The following B3GALNT2 variants were observed in gnomAD, a reference collection of about 807,000 sequenced individuals.
B3GALNT2 encodes the protein UDP-GalNAc:beta-1,3-N-acetylgalactosaminyltransferase 2.
In B3GALNT2, 53 loss-of-function variants were observed where a neutral mutation model predicts 61.1. That is an observed-to-expected ratio of 0.87 (90% CI 0.70 to 1.09). The LOEUF (loss-of-function observed/expected upper bound fraction) is 1.09. B3GALNT2 is among the 50% of genes least tolerant of loss of function. The pLI is 0.00. For missense variants in B3GALNT2, 544 were observed against 623.0 expected (o/e 0.87, Z 1.35); for synonymous variants, 223 against 237.4 (o/e 0.94, Z 0.56).
rs57291873 is a variant in B3GALNT2, at chr1:235,498,843, C to CAAAAAAAAA, written c.113-4024_113-4016dup. On this transcript the variant is annotated intron_variant, in intron 1 of 11. Transcript: ENST00000366600. ...TGGGTGACAGAGCTAGACTCCTTCT[C>CAAAAAAAAA]AAAAAAAAAAAAAAAAAAAAAAAAA... 8.3e-3 allele frequency among the ~76,000 whole-genome samples: 529 copies of CAAAAAAAAA among 64,116 alleles called. 42 individuals carry two copies. In the East Asian group the frequency reaches 0.091, roughly 11 times the overall value. 42.1% of individuals were successfully genotyped at this position (64,116 alleles called of 152,430 possible).
At chr1:235,441,435 A>G in the B3GALNT2 span, 3 of 279,470 alleles carry the variant, frequency 1.1e-5, no homozygotes, top group African/African-American at 4.5e-5. Context: ...CAAAGGTGAC[A>G]CTCGGGGAAA....
At chr1:235,496,418 T>A (rs1162831283) in intron 1 of B3GALNT2, 4 of 671,860 alleles carry the variant, frequency 6.0e-6, no homozygotes, top group Non-Finnish European at 7.5e-6. Context: ...AATTTATTTT[T>A]AAATAAATTC....
chr1:235,475,436 G>A (rs1401969414), intron 5 of B3GALNT2, among the ~76,000 whole-genome samples: 1 of 151,982 alleles, frequency 6.6e-6, no homozygotes, highest in Non-Finnish European at 1.5e-5. Context: ...AAGCTATACT[G>A]GGGACATGTG....
At chr1:235,468,485 G>A (rs561783608) in intron 6 of B3GALNT2, among the ~76,000 whole-genome samples, 8 of 117,482 alleles carry the variant, frequency 6.8e-5, no homozygotes, top group Non-Finnish European at 1.3e-4. Context: ...ACGGAGTCTC[G>A]CACTGTAGCC....
In B3GALNT2 at chr1:235,450,110, C is replaced by T. The variant is rs1682800214; in HGVS notation, c.*96G>A. The T allele has an allele frequency of 4.1e-6, 6 of 1,448,086 alleles. No individual in the cohort carries two copies. The African/African-American group carries it at 7.0e-5, about 17-fold the overall frequency. The allele number at this position is 1,448,086 out of a possible 1,614,324, so 89.7% of individuals were successfully genotyped here. ...CCAGTCTGGAACTCTCTTGAAAGACCATACAGTCTACTGCTAAACCCTGGG... is the reference window on the plus strand; with the variant it reads ...CCAGTCTGGAACTCTCTTGAAAGACTATACAGTCTACTGCTAAACCCTGGG... On this transcript the variant is annotated 3_prime_UTR_variant, in exon 12 of 12. Coordinates refer to ENST00000366600, the MANE Select transcript of B3GALNT2 (RefSeq NM_152490.5).
intron 5 of B3GALNT2, among the ~76,000 whole-genome samples, chr1:235,475,547 T>C (rs1684237291): frequency 6.6e-6 from 1 of 152,152 alleles, no homozygotes; most frequent in South Asian, 2.1e-4. Flanking sequence ...TTGCTGATGA[T>C]ATGCCAGCAA....
At chr1:235,497,085 A>AT (rs770535684) in intron 1 of B3GALNT2, among the ~76,000 whole-genome samples, 65 of 152,176 alleles carry the variant, frequency 4.3e-4, no homozygotes, top group Middle Eastern at 3.4e-3. Context: ...TAACACATCA[A>AT]TTTTTTTTAA....
chr1:235,444,177 A>T (rs1682088043), downstream of B3GALNT2, among the ~76,000 whole-genome samples: 1 of 152,198 alleles, frequency 6.6e-6, no homozygotes, highest in Non-Finnish European at 1.5e-5. Flanking sequence ...GTGTTCAAAG[A>T]AGTACCTTTC....
At chr1:235,503,034 G>C (rs1558448889) in intron 1 of B3GALNT2, among the ~76,000 whole-genome samples, 1 of 152,186 alleles carries the variant, frequency 6.6e-6, no homozygotes, top group Non-Finnish European at 1.5e-5. Flanking sequence ...GATCTAATAG[G>C]AAAAGAGATT....
Position 235,504,443 on chromosome 1 carries a change from G to A in B3GALNT2, c.-191C>T, listed in dbSNP as rs1021056149. On this transcript the variant is annotated 5_prime_UTR_variant, in exon 1 of 12. Transcript: ENST00000366600. ...CCTCCGGTCCCTCAGACCGCGGGTGGCCGCGGCTTAGCCGGCCGAAGCCCC... is the reference window on the plus strand; with the variant it reads ...CCTCCGGTCCCTCAGACCGCGGGTGACCGCGGCTTAGCCGGCCGAAGCCCC... 7.3e-6 allele frequency: 4 copies of A among 549,328 alleles called. No individual in the cohort carries two copies. In the East Asian group the frequency reaches 1.2e-4, roughly 16 times the overall value. 34.0% of individuals were successfully genotyped at this position (549,328 alleles called of 1,614,324 possible).
At chr1:235,460,578 G>GTT (rs766922910) in intron 7 of B3GALNT2, among the ~76,000 whole-genome samples, 13 of 141,332 alleles carry the variant, frequency 9.2e-5, no homozygotes, top group African/African-American at 2.1e-4. Context: ...TATTTCCTTT[G>GTT]TTTTTTTTTT....
intron 6 of B3GALNT2, among the ~76,000 whole-genome samples, chr1:235,470,560 A>C (rs867069885): frequency 1.3e-4 from 19 of 146,090 alleles, no homozygotes; most frequent in African/African-American, 4.2e-4. Context: ...CCTGTGCAAC[A>C]AAGTGAGACC....
intron 1 of B3GALNT2, among the ~76,000 whole-genome samples, chr1:235,500,508 G>A (rs529233950): frequency 1.3e-5 from 2 of 152,142 alleles, no homozygotes; most frequent in East Asian, 3.9e-4. Flanking sequence ...GTCTAAAGAA[G>A]GTTGACATCA....
chr1:235,484,597 T>C, intron 3 of B3GALNT2, 82 bp from the exon 4 acceptor site: 1 of 1,432,452 alleles, frequency 7.0e-7, no homozygotes, highest in Non-Finnish European at 9.2e-7. Context: ...GTGGGCTTAA[T>C]GCCAAAACCT....
At chr1:235,481,420 T>C (rs547272488) in intron 4 of B3GALNT2, among the ~76,000 whole-genome samples, 4 of 152,302 alleles carry the variant, frequency 2.6e-5, no homozygotes, top group South Asian at 4.1e-4. Flanking sequence ...CTCACTGTAA[T>C]GCAGCCTCGA....
the B3GALNT2 span, among the ~76,000 whole-genome samples, chr1:235,442,060 T>G: frequency 6.6e-6 from 1 of 150,816 alleles, no homozygotes; most frequent in Non-Finnish European, 1.5e-5. Flanking sequence ...CAGGCTGGAG[T>G]GCAGTGGTGT....
At chr1:235,465,271 G>C (rs1683632449) in intron 7 of B3GALNT2, 1 of 173,248 alleles carries the variant, frequency 5.8e-6, no homozygotes, top group African/African-American at 2.4e-5. Context: ...GACAGACCTG[G>C]AACACATGTT....
chr1:235,447,181 T>TTAAC (rs1682401529), downstream of B3GALNT2, among the ~76,000 whole-genome samples: 1 of 152,198 alleles, frequency 6.6e-6, no homozygotes, highest in Non-Finnish European at 1.5e-5. Flanking sequence ...ATAAATTCTA[T>TTAAC]TAACTGTATT....
At chr1:235,441,964 T>C in the B3GALNT2 span, 2 of 1,256,524 alleles carry the variant, frequency 1.6e-6, no homozygotes, top group South Asian at 2.5e-5. Flanking sequence ...CTTAAGTGTG[T>C]ACCTCTTAAG....
Sources: allele counts gnomAD v4.1 joint callset (sites outside exome capture counted in the v4.1 genomes callset), GRCh38; gene constraint gnomAD v4.1.1; transcripts MANE v1.5; gene names NCBI Gene and HGNC (gene_info 2026-07-23, HGNC 2026-07-21).